The following DNAH17 variants were observed in gnomAD, a reference collection of about 807,000 sequenced individuals.
DNAH17 encodes dynein axonemal heavy chain 17.
Under a neutral mutation model 485.6 loss-of-function variants are expected in DNAH17, and 376 were observed. That is an observed-to-expected ratio of 0.77 (90% CI 0.71 to 0.84). DNAH17 has a LOEUF of 0.84. DNAH17 is among the 40% of genes least tolerant of loss of function. The pLI is 0.00. For missense variants in DNAH17, 6,370 were observed against 5,839.3 expected, an observed-to-expected ratio of 1.09 and a Z score of -2.96; for synonymous variants, 3,031 against 2,405.9, an observed-to-expected ratio of 1.26 and a Z score of -7.60.
In DNAH17 at chr17:78,490,541, G is replaced by GTCTA. The variant is rs35581114; in HGVS notation, c.6818+157_6818+158insTAGA. Among the ~76,000 whole-genome samples the GTCTA allele has an allele frequency of 7.6e-4, 60 of 79,042 alleles. 1 individual carries two copies. Among genetic ancestry groups the GTCTA allele is most frequent in the African/African-American group, 3.5e-3 (58 of 16,566 alleles). The allele number at this position is 79,042 out of a possible 152,430, so 51.9% of individuals were successfully genotyped here. On this transcript the variant is annotated intron_variant, in intron 44 of 80. Transcript: ENST00000389840. The stretch of plus-strand genomic sequence containing the variant: ...GTGAATTTACACCATTTATTCCCAG[G>GTCTA]TCTCTCACCCCTTCACTGCTGTGAC...
At chr17:78,457,390 A>G (rs1415456986) in intron 62 of DNAH17, among the ~76,000 whole-genome samples, 1 of 143,542 alleles carries the variant, frequency 7.0e-6, no homozygotes, top group African/African-American at 2.5e-5. Context: ...AAAACAAAAC[A>G]AAACAAAAAA....
chr17:78,482,220 G>A (rs1210652548), intron 48 of DNAH17, among the ~76,000 whole-genome samples: 1 of 151,948 alleles, frequency 6.6e-6, no homozygotes, highest in African/African-American at 2.4e-5. Context: ...GCCCGGCTAA[G>A]TTTTTGTAGA....
intron 21 of DNAH17, 118 bp from the exon 22 acceptor site, chr17:78,529,812 C>A: frequency 1.3e-5 from 14 of 1,057,034 alleles, no homozygotes; most frequent in Non-Finnish European, 1.9e-5. Context: ...TCACTGAAGG[C>A]CCCAGGTGGG....
chr17:78,436,038 T>C (rs900533431), intron 74 of DNAH17, among the ~76,000 whole-genome samples: 1 of 152,220 alleles, frequency 6.6e-6, no homozygotes. Context: ...GATATTTCCA[T>C]ATAAGTAGTT....
At chr17:78,489,510 C>T (rs1386785297) in intron 44 of DNAH17, 1 of 152,260 alleles carries the variant, frequency 6.6e-6, no homozygotes, top group African/African-American at 2.4e-5. Context: ...GGAGATGCGC[C>T]TAGCTCCCAA....
chr17:78,500,300 C>G lies in DNAH17; in HGVS notation c.5640+5G>C. On this transcript the variant is annotated splice_donor_5th_base_variant and intron_variant, in intron 36 of 80. Coordinates refer to ENST00000389840, the MANE Select transcript of DNAH17 (RefSeq NM_173628.4). ...GGGTCCCTCCTCCGGACCCCGGCCG[C>G]GTACCTTGTAGTCCATCTGCTCGGA... is the stretch of plus-strand genomic sequence containing the variant. 1.2e-6 allele frequency: 2 copies of G among 1,609,172 alleles called. No homozygotes were observed. The highest frequency in any genetic ancestry group is 1.7e-6 in the Non-Finnish European group (2 of 1,177,966).
At chr17:78,543,126 TTTTG>T (rs1424388791) in intron 17 of DNAH17, among the ~76,000 whole-genome samples, 4 of 152,082 alleles carry the variant, frequency 2.6e-5, no homozygotes, top group Non-Finnish European at 5.9e-5. Flanking sequence ...TTTTGTTTTG[TTTTG>T]TTTTGAGATA....
intron 61 of DNAH17, 142 bp downstream of exon 61, chr17:78,458,859 C>G (rs1480310020): frequency 2.8e-6 from 3 of 1,087,268 alleles, no homozygotes; most frequent in African/African-American, 3.1e-5. Flanking sequence ...CATCTGGCCC[C>G]TGCCTCTGCC....
At chr17:78,429,952 G>T (rs1409281341) in intron 75 of DNAH17, among the ~76,000 whole-genome samples, 1 of 152,134 alleles carries the variant, frequency 6.6e-6, no homozygotes, top group Non-Finnish European at 1.5e-5. Context: ...TCTGACCTAG[G>T]CTGCCCGGGC....
intron 19 of DNAH17, among the ~76,000 whole-genome samples, chr17:78,534,936 G>T (rs559753455): frequency 6.6e-6 from 1 of 152,242 alleles, no homozygotes; most frequent in Admixed American, 6.5e-5. Context: ...AGGGTACTTG[G>T]GTCTCTGGGA....
At chr17:78,548,866 G>T (rs1241828655) in intron 16 of DNAH17, among the ~76,000 whole-genome samples, 1 of 152,254 alleles carries the variant, frequency 6.6e-6, no homozygotes, top group Non-Finnish European at 1.5e-5. Context: ...GGGAGCCAGT[G>T]TTCTCCCCGG....
rs1386343996 is a variant in DNAH17, at chr17:78,464,231, TCAAA to T, written c.8941-1158_8941-1155del. Among the ~76,000 whole-genome samples, 4 of 152,202 alleles carry T rather than the reference TCAAA, an allele frequency of 2.6e-5. No homozygotes were observed. In the East Asian group the frequency reaches 7.7e-4, roughly 29 times the overall value. ...GGTAATTTCCAGGCAAGCATTGAGC[TCAAA>T]CAGTGAACATGGGCGCCATCTTTCA... On this transcript the variant is annotated intron_variant, in intron 56 of 80. Coordinates refer to ENST00000389840, the MANE Select transcript of DNAH17 (RefSeq NM_173628.4).
At chr17:78,559,039 G>A (rs2092094077) in intron 13 of DNAH17, among the ~76,000 whole-genome samples, 1 of 152,164 alleles carries the variant, frequency 6.6e-6, no homozygotes, top group Non-Finnish European at 1.5e-5. Flanking sequence ...TCCATGATGG[G>A]GAGCCACAGA....
At chr17:78,570,102 C>T (rs2092329861) in intron 7 of DNAH17, 145 bp downstream of exon 7, 2 of 935,246 alleles carry the variant, frequency 2.1e-6, no homozygotes, top group Admixed American at 2.7e-5. Context: ...GGCTCCATCT[C>T]AGCTCGGGGC....
chr17:78,469,759 T>C (rs2088657999), intron 54 of DNAH17, among the ~76,000 whole-genome samples: 1 of 152,246 alleles, frequency 6.6e-6, no homozygotes, highest in South Asian at 2.1e-4. Context: ...GAGGAAATTC[T>C]GACACGTGCT....
Position 78,484,881 on chromosome 17 carries a change from C to A in DNAH17, c.7636G>T (p.Asp2546Tyr), listed in dbSNP as rs369997777. 3.1e-5 allele frequency: 49 copies of A among 1,568,314 alleles called. No individual in the cohort carries two copies. Among genetic ancestry groups the A allele is most frequent in the Non-Finnish European group, 4.2e-5 (49 of 1,156,748 alleles). The change falls in exon 48 of 81, where the codon GAC becomes TAC. Residue 2546 changes from aspartate to tyrosine, a missense_variant. Asp to Tyr is a radical substitution (Grantham distance 160, BLOSUM62 -3). Transcript: ENST00000389840. ...GCCCCGTCTAACCAGTGCCGGTGGT[C>A]CATGTGCTGCCGGATGAGGGTGTGC... ...APHTLIRQHMDHRHWYDRHKL... is the reference protein window; with the variant it reads ...APHTLIRQHMYHRHWYDRHKL...
intron 56 of DNAH17, among the ~76,000 whole-genome samples, chr17:78,464,416 C>T (rs964376470): frequency 1.3e-5 from 2 of 152,224 alleles, no homozygotes; most frequent in Admixed American, 6.5e-5. Context: ...TGCACCACCA[C>T]ACCCGGCTAA....
chr17:78,507,541 T>C lies in DNAH17; in HGVS notation c.4501A>G (p.Ser1501Gly), dbSNP rs1183273227. The change falls in exon 28 of 81, where the codon AGC becomes GGC. Residue 1501 changes from serine (S) to glycine (G), a missense_variant. Physicochemically the swap from Ser to Gly is moderately conservative, Grantham distance 56. Transcript: ENST00000389840. The stretch of plus-strand genomic sequence containing the variant: ...ATGTCTTCGGAGCCGATGAAGATGC[T>C]CTCCAGGTGGCTCCAGGTTCGCTGG... ...EVQRTWSHLE[S>G]IFIGSEDIRT... The C allele has an allele frequency of 1.2e-6, 2 of 1,613,988 alleles. No individual in the cohort carries two copies. Among genetic ancestry groups the C allele is most frequent in the East Asian group, 2.2e-5 (1 of 44,878 alleles).
chr17:78,484,954 G>A lies in DNAH17; in HGVS notation c.7563C>T (p.Ile2521=). The change falls in exon 48 of 81, where the codon ATC becomes ATT. Residue 2521 remains isoleucine (I), a synonymous_variant. Transcript: ENST00000389840. ...CCACCTCGGGCATGTTCATGTCGTC[G>A]ATGAAGTAGACGAGCTTCTTAGTGC... ...PPGTKKLVYF[I]DDMNMPEVDK... 3.1e-6 allele frequency: 5 copies of A among 1,612,796 alleles called. No individual in the cohort carries two copies. The highest frequency in any genetic ancestry group is 4.2e-6 in the Non-Finnish European group (5 of 1,179,348).
Sources: allele counts gnomAD v4.1 joint callset (sites outside exome capture counted in the v4.1 genomes callset), GRCh38; gene constraint gnomAD v4.1.1; transcripts MANE v1.5; gene names NCBI Gene and HGNC (gene_info 2026-07-23, HGNC 2026-07-21).